The following RARB variants were observed in gnomAD, a reference collection of about 807,000 sequenced individuals.
RARB encodes the protein HBV-activated protein.
Under a neutral mutation model 51.9 loss-of-function variants are expected in RARB, and 17 were observed. The ratio of observed to expected loss-of-function variants is 0.33; its 90% CI spans 0.22 to 0.49. The LOEUF (loss-of-function observed/expected upper bound fraction) is 0.49. RARB is among the 20% of genes least tolerant of loss of function. The pLI, the probability that RARB is intolerant of heterozygous loss-of-function variation, is 0.99. For missense variants in RARB, 369 were observed against 550.8 expected (o/e 0.67, Z 3.30); for synonymous variants, 215 against 195.4 (o/e 1.10, Z -0.84).
intron 5 of RARB, among the ~76,000 whole-genome samples, chr3:25,275,602 C>T (rs1312432409): frequency 6.6e-6 from 1 of 152,232 alleles, no homozygotes; most frequent in Non-Finnish European, 1.5e-5. Context: ...TATTCAAGAA[C>T]TATCTGTCCT....
At chr3:24,956,120 C>T (rs1696009284) in intron 2 of RARB, among the ~76,000 whole-genome samples, 1 of 152,124 alleles carries the variant, frequency 6.6e-6, no homozygotes, top group African/African-American at 2.4e-5. Flanking sequence ...GGTTCTGAGG[C>T]TCATTTCTGA....
intron 5 of RARB, among the ~76,000 whole-genome samples, chr3:25,364,312 G>T (rs1317413763): frequency 6.6e-6 from 1 of 152,070 alleles, no homozygotes; most frequent in Non-Finnish European, 1.5e-5. Context: ...TGAGGGAATT[G>T]GGGTTACTCC....
intron 3 of RARB, among the ~76,000 whole-genome samples, chr3:25,540,116 A>G (rs1027510022): frequency 6.6e-6 from 1 of 152,106 alleles, no homozygotes; most frequent in African/African-American, 2.4e-5. Flanking sequence ...AGTCCTTTTC[A>G]TATGTATTTC....
intron 4 of RARB, among the ~76,000 whole-genome samples, chr3:25,163,504 A>AATATAT (rs138389529): frequency 1.6e-3 from 207 of 131,058 alleles, no homozygotes; most frequent in Middle Eastern, 3.7e-3. Context: ...CCTATCTCAA[A>AATATAT]ATATATATAT....
chr3:25,155,303 A>G (rs1380207562), intron 4 of RARB, among the ~76,000 whole-genome samples: 1 of 152,082 alleles, frequency 6.6e-6, no homozygotes, highest in African/African-American at 2.4e-5. Context: ...ACCCCAGCAC[A>G]CGTAAACTTT....
intron 2 of RARB, among the ~76,000 whole-genome samples, chr3:24,968,539 C>G (rs1261540777): frequency 6.6e-6 from 1 of 152,072 alleles, no homozygotes; most frequent in African/African-American, 2.4e-5. Context: ...GCTGGACTAC[C>G]TCTTGTTTCT....
At chr3:25,456,509 G>A (rs969434847) in intron 1 of RARB, among the ~76,000 whole-genome samples, 1 of 138,874 alleles carries the variant, frequency 7.2e-6, no homozygotes, top group East Asian at 2.1e-4. Context: ...GTCTTGGCAT[G>A]TTCGCCTGAG....
intron 2 of RARB, among the ~76,000 whole-genome samples, chr3:24,958,085 A>C (rs977906370): frequency 6.6e-6 from 1 of 152,190 alleles, no homozygotes; most frequent in Middle Eastern, 3.4e-3. Flanking sequence ...TTGTGAACCC[A>C]GACAAGCCAG....
rs1223729463 is a variant in RARB, at chr3:25,146,513, T to G, written c.-280+14305T>G. ...CTAAGTTTTTTGTTTGTTTGTTTGT[T>G]TTTTTTTTTTTGAGACAAGAGTCTC... On this transcript the variant is annotated intron_variant, in intron 4 of 11. Transcript: ENST00000383772. 1.4e-4 allele frequency among the ~76,000 whole-genome samples: 15 copies of G among 106,028 alleles called. 2 individuals are homozygous for G. The highest frequency in any genetic ancestry group is 6.5e-4 in the African/African-American group (13 of 20,080). 69.6% of individuals were successfully genotyped at this position (106,028 alleles called of 152,430 possible). A position where few individuals can be genotyped will look rare whatever the true frequency, so the allele number is the denominator to read the frequency against.
At chr3:25,414,583 T>C (rs1707651863) in intron 5 of RARB, among the ~76,000 whole-genome samples, 1 of 152,224 alleles carries the variant, frequency 6.6e-6, no homozygotes, top group South Asian at 2.1e-4. Flanking sequence ...TGGCAGGCTT[T>C]TTAATTTTAG....
At chr3:25,365,304 G>A (rs552757029) in intron 5 of RARB, among the ~76,000 whole-genome samples, 1 of 141,670 alleles carries the variant, frequency 7.1e-6, no homozygotes, top group African/African-American at 2.6e-5. Flanking sequence ...TGAAGGTGGG[G>A]TTTCACCATG....
chr3:25,217,634 C>A (rs1701863197), intron 5 of RARB, among the ~76,000 whole-genome samples: 1 of 152,106 alleles, frequency 6.6e-6, no homozygotes, highest in Non-Finnish European at 1.5e-5. Flanking sequence ...GCTGTGTGAC[C>A]TTTTGTCTCC....
chr3:25,481,566 T>C (rs1426785681), intron 2 of RARB, among the ~76,000 whole-genome samples: 1 of 152,204 alleles, frequency 6.6e-6, no homozygotes, highest in East Asian at 1.9e-4. Flanking sequence ...GCAGAGCCTG[T>C]CTGTTATGGT....
intron 5 of RARB, among the ~76,000 whole-genome samples, chr3:25,228,223 T>TTTG (rs200379931): frequency 2.1e-4 from 30 of 143,658 alleles, no homozygotes; most frequent in Non-Finnish European, 3.3e-4. Flanking sequence ...GAGGGTTTTT[T>TTTG]TTTTTTTTTT....
intron 3 of RARB, among the ~76,000 whole-genome samples, chr3:25,101,078 G>T (rs1699391517): frequency 6.6e-6 from 1 of 152,122 alleles, no homozygotes; most frequent in Non-Finnish European, 1.5e-5. Context: ...ATCACCTCTG[G>T]AATTCCATAA....
intron 2 of RARB, among the ~76,000 whole-genome samples, chr3:24,918,227 C>G (rs1017297700): frequency 6.6e-5 from 10 of 152,150 alleles, no homozygotes; most frequent in African/African-American, 2.4e-4. Context: ...TGCAAATGAA[C>G]GAATTACTAA....
At chr3:24,867,355 T>G (rs1238757436) in intron 2 of RARB, among the ~76,000 whole-genome samples, 2 of 151,890 alleles carry the variant, frequency 1.3e-5, no homozygotes, top group East Asian at 1.9e-4. Context: ...AAGATGGGAG[T>G]TGGTTAAATG....
chr3:25,193,768 G>T (rs571118120), intron 5 of RARB, among the ~76,000 whole-genome samples: 1 of 151,860 alleles, frequency 6.6e-6, no homozygotes, highest in East Asian at 1.9e-4. Context: ...ATGTTCAAAT[G>T]GAAAAGGAAA....
chr3:24,949,130 T>C lies in RARB; in HGVS notation c.-380+90378T>C, dbSNP rs1251489690. Among the ~76,000 whole-genome samples the C allele has an allele frequency of 3.3e-5, 5 of 152,252 alleles. 1 individual carries two copies. Among genetic ancestry groups the C allele is most frequent in the African/African-American group, 1.2e-4 (5 of 41,556 alleles). On this transcript the variant is annotated intron_variant, in intron 2 of 11. Coordinates refer to the RARB transcript ENST00000383772. ...CCCATGTCAGCATCTGCCTACCAAC[T>C]TGGGAAACGTCACTGCACTTCCTAC...
Sources: allele counts gnomAD v4.1 joint callset (sites outside exome capture counted in the v4.1 genomes callset), GRCh38; gene constraint gnomAD v4.1.1; transcripts MANE v1.5; gene names NCBI Gene and HGNC (gene_info 2026-07-23, HGNC 2026-07-21).